The following PPP2R2D variants were observed in gnomAD, a reference collection of about 807,000 sequenced individuals.
PPP2R2D encodes the protein protein phosphatase 2 regulatory subunit Bdelta, also known as serine/threonine-protein phosphatase 2A 55 kDa regulatory subunit B delta isoform.
A neutral mutation model predicts 31.1 loss-of-function variants in PPP2R2D; 9 were observed. The ratio of observed to expected loss-of-function variants is 0.29; its 90% CI spans 0.17 to 0.51. The LOEUF (loss-of-function observed/expected upper bound fraction) is 0.51, where lower values mean the gene tolerates loss of function less well. PPP2R2D is among the 20% of genes least tolerant of loss of function. The pLI, the probability that PPP2R2D is intolerant of heterozygous loss-of-function variation, is 0.98. For synonymous variants in PPP2R2D, 179 were observed against 172.6 expected, an observed-to-expected ratio of 1.04 and a Z score of -0.29; for missense variants, 391 against 465.6, an observed-to-expected ratio of 0.84 and a Z score of 1.48.
In PPP2R2D at chr10:131,947,381, C is replaced by G; in HGVS notation, c.821-149C>G. ...ACGGAAGTCACAGAAGATCAGAAAA[C>G]CTAGAGAATCAGAAAGATCAGAAGA... On this transcript the variant is annotated intron_variant, in intron 7 of 8. Transcript: ENST00000455566. The surrounding 1 kb of genome is among the most constrained non-coding windows in gnomAD (Gnocchi z 4.3). 6.2e-6 allele frequency: 5 copies of G among 808,006 alleles called. No homozygotes were observed. The highest frequency in any genetic ancestry group is 9.5e-6 in the Non-Finnish European group (5 of 527,782). The allele number at this position is 808,006 out of a possible 1,614,324, so 50.1% of individuals were successfully genotyped here.
chr10:131,924,587 A>G (rs782224671), intron 2 of PPP2R2D, among the ~76,000 whole-genome samples: 54 of 152,208 alleles, frequency 3.5e-4, no homozygotes, highest in Admixed American at 9.8e-4. Flanking sequence ...GTAAGGTTTG[A>G]AATCAGGAAG....
intron 3 of PPP2R2D, among the ~76,000 whole-genome samples, chr10:131,939,031 C>T (rs2036394055): frequency 6.6e-6 from 1 of 152,280 alleles, no homozygotes; most frequent in Non-Finnish European, 1.5e-5. Context: ...AGTATGTGCA[C>T]ACATGGGCCT....
chr10:131,928,067 G>A (rs930997293), intron 2 of PPP2R2D, among the ~76,000 whole-genome samples: 6 of 152,204 alleles, frequency 3.9e-5, no homozygotes, highest in Admixed American at 1.3e-4. Flanking sequence ...GAGAGCTGCC[G>A]TGGATACCTG....
chr10:131,902,393 C>G (rs2035514893), intron 2 of PPP2R2D, among the ~76,000 whole-genome samples: 1 of 152,146 alleles, frequency 6.6e-6, no homozygotes, highest in Non-Finnish European at 1.5e-5. Context: ...CTCCCTCTTC[C>G]CTACCCTGTA....
Position 131,955,820 on chromosome 10 carries a change from G to T in PPP2R2D, c.1219G>T (p.Gly407Cys). ...SLKPRKVCTGGKRRKDEISVD... is the reference protein window; with the variant it reads ...SLKPRKVCTGCKRRKDEISVD... Reference sequence around the variant, plus strand: ...CAAACCCCGGAAGGTGTGTACGGGGGGTAAGCGGAGGAAAGACGAGATCAG... The same window carrying T: ...CAAACCCCGGAAGGTGTGTACGGGGTGTAAGCGGAGGAAAGACGAGATCAG... Residue 407 changes from glycine (G) to cysteine (C), a missense_variant, in exon 9 of 9, where the codon GGT (glycine) becomes TGT (cysteine). By Grantham distance (159) the Gly-to-Cys change is radical. Transcript: ENST00000455566. 1.2e-6 allele frequency: 2 copies of T among 1,609,630 alleles called. No individual in the cohort carries two copies. Among genetic ancestry groups the T allele is most frequent in the Non-Finnish European group, 1.7e-6 (2 of 1,177,686 alleles).
chr10:131,941,474 ACT>A (rs1165414053), intron 5 of PPP2R2D, among the ~76,000 whole-genome samples: 1 of 149,784 alleles, frequency 6.7e-6, no homozygotes, highest in African/African-American at 2.5e-5. Context: ...CTGGAAGGAA[ACT>A]CTGCCTGGTC....
At chr10:131,915,013 C>T (rs1466432930) in intron 2 of PPP2R2D, among the ~76,000 whole-genome samples, 1 of 152,046 alleles carries the variant, frequency 6.6e-6, no homozygotes, top group Non-Finnish European at 1.5e-5. Flanking sequence ...AGCACCCCAC[C>T]TTCTGTTGTG....
At chr10:131,952,827 T>A (rs868949318) in intron 8 of PPP2R2D, among the ~76,000 whole-genome samples, 1 of 48,922 alleles carries the variant, frequency 2.0e-5, no homozygotes, top group Non-Finnish European at 3.6e-5. Flanking sequence ...CGGGTGTGTG[T>A]GTGGGGTTCA....
chr10:131,915,162 A>G (rs781797159), intron 2 of PPP2R2D, among the ~76,000 whole-genome samples: 5 of 151,986 alleles, frequency 3.3e-5, no homozygotes, highest in Non-Finnish European at 5.9e-5. Flanking sequence ...AAGAGTATTC[A>G]TTACAAAAGC....
chr10:131,934,089 A>G (rs2036293910), intron 2 of PPP2R2D, among the ~76,000 whole-genome samples: 1 of 152,238 alleles, frequency 6.6e-6, no homozygotes, highest in African/African-American at 2.4e-5. Flanking sequence ...GGTATGCATT[A>G]TAAAATTAGG....
At chr10:131,918,232 G>A (rs1158240602) in intron 2 of PPP2R2D, among the ~76,000 whole-genome samples, 1 of 150,734 alleles carries the variant, frequency 6.6e-6, no homozygotes, top group Admixed American at 6.6e-5. Flanking sequence ...CACAGTGTTT[G>A]TAGGGACCTC....
chr10:131,923,918 G>A lies in PPP2R2D; in HGVS notation c.101-10540G>A, dbSNP rs549665052. ...ACTGCAGATACACACCACCACAGCC[G>A]GCTAACTTTTAAAAAATTTTTGATA... On this transcript the variant is annotated intron_variant, in intron 2 of 8. Transcript: ENST00000455566. Among the ~76,000 whole-genome samples, 169 of 152,064 alleles carry A rather than the reference G, an allele frequency of 1.1e-3. 2 individuals carry two copies. Among genetic ancestry groups the A allele is most frequent in the African/African-American group, 3.8e-3 (158 of 41,464 alleles).
intron 8 of PPP2R2D, among the ~76,000 whole-genome samples, chr10:131,948,972 T>C (rs2119944182): frequency 6.6e-6 from 1 of 151,872 alleles, no homozygotes; most frequent in African/African-American, 2.4e-5. Flanking sequence ...CTCACAAGGG[T>C]TTGCAGTTTG....
At chr10:131,919,776 C>T (rs1272298000) in intron 2 of PPP2R2D, among the ~76,000 whole-genome samples, 1 of 119,670 alleles carries the variant, frequency 8.4e-6, no homozygotes, top group Admixed American at 8.6e-5. Flanking sequence ...AGGGACCTCA[C>T]GTGGGTGGAA....
chr10:131,944,257 C>T (rs1438575275), intron 6 of PPP2R2D, 112 bp downstream of exon 6: 5 of 826,816 alleles, frequency 6.0e-6, no homozygotes, highest in South Asian at 3.7e-5. Context: ...TAAATACCAT[C>T]ACTGCACAGC....
chr10:131,964,328 GTTT>G (rs880000811), downstream of PPP2R2D, among the ~76,000 whole-genome samples: 1 of 148,906 alleles, frequency 6.7e-6, no homozygotes, highest in African/African-American at 2.5e-5. Context: ...GTGACTTTGT[GTTT>G]TTTTTTTGTT....
At chr10:131,971,182 C>T in the PPP2R2D span, 1 of 569,268 alleles carries the variant, frequency 1.8e-6, no homozygotes. Context: ...CTCGCCGCCT[C>T]CAGGGACAGA....
the PPP2R2D span, chr10:131,968,642 TAGCTCACTG>T: frequency 1.5e-6 from 2 of 1,373,288 alleles, no homozygotes; most frequent in Non-Finnish European, 2.1e-6. Flanking sequence ...TGAAACAGGG[TAGCTCACTG>T]TGGTTAGAGC....
At chr10:131,942,251 C>T (rs1451970425) in intron 5 of PPP2R2D, among the ~76,000 whole-genome samples, 3 of 152,204 alleles carry the variant, frequency 2.0e-5, no homozygotes, top group Admixed American at 1.3e-4. Flanking sequence ...TTTGGGAGAA[C>T]AGTAGGCCTT....
Sources: allele counts gnomAD v4.1 joint callset (sites outside exome capture counted in the v4.1 genomes callset), GRCh38; gene constraint gnomAD v4.1.1; non-coding constraint Gnocchi (gnomAD v3.1); transcripts MANE v1.5; gene names NCBI Gene and HGNC (gene_info 2026-07-23, HGNC 2026-07-21).